The following DNASE1L2 variants were observed in gnomAD, a reference collection of about 807,000 sequenced individuals.
DNASE1L2 encodes the protein deoxyribonuclease 1 like 2.
A neutral mutation model predicts 31.8 loss-of-function variants in DNASE1L2; 35 were observed. The observed-to-expected ratio is 1.10, with a 90% CI of 0.84 to 1.46. The LOEUF (loss-of-function observed/expected upper bound fraction) is 1.46, where lower values mean the gene tolerates loss of function less well. DNASE1L2 is among the 40% of genes most tolerant of loss of function. The pLI is 0.00. For missense variants in DNASE1L2, 504 were observed against 418.8 expected, an observed-to-expected ratio of 1.20 and a Z score of -1.77; for synonymous variants, 211 against 186.5, an observed-to-expected ratio of 1.13 and a Z score of -1.07.
In DNASE1L2 at chr16:2,236,839, T is replaced by G; in HGVS notation, c.23T>G (p.Leu8Arg). The G allele has an allele frequency of 6.3e-7, 1 of 1,599,176 alleles. No homozygotes were observed. The highest frequency in any genetic ancestry group is 8.5e-7 in the Non-Finnish European group (1 of 1,174,892). The change falls in exon 2 of 7, where the codon CTG becomes CGG. Residue 8 changes from leucine to arginine, a missense_variant. Physicochemically the swap from Leu to Arg is moderately radical, Grantham distance 102 (BLOSUM62 -2). Coordinates refer to ENST00000320700, the MANE Select transcript of DNASE1L2 (RefSeq NM_001374.3). ...GCCATGGGCGGGCCCCGGGCTCTGC[T>G]GGCCGCACTCTGGGCGCTGGAAGCC... The part of the protein sequence containing the change: MGGPRAL[L>R]AALWALEAAG...
chr16:2,238,678 T>C lies in DNASE1L2; in HGVS notation c.*260T>C, dbSNP rs539484003. The C allele has an allele frequency of 5.7e-5, 31 of 543,874 alleles. No homozygotes were observed. In the South Asian group the frequency reaches 6.8e-4, roughly 12 times the overall value. The allele number at this position is 543,874 out of a possible 1,614,324, so 33.7% of individuals were successfully genotyped here. On this transcript the variant is annotated 3_prime_UTR_variant, in exon 7 of 7. Transcript: ENST00000320700. ...GGGGCACTGCCCGGCAGATGTCTGC[T>C]CAATAAATGAGCTGCTCCCGGTCGG... is the stretch of plus-strand genomic sequence containing the variant.
At position 2,238,376 on chromosome 16, in the gene DNASE1L2, C is replaced by T. The variant is rs536933942; in HGVS notation, c.858C>T (p.Ser286=). The T allele has an allele frequency of 2.4e-5, 39 of 1,613,516 alleles. No homozygotes were observed. The East Asian group carries it at 3.3e-4, about 14-fold the overall frequency. Reference sequence around the variant, plus strand: ...TGTCCCCACAGGCTCTTGCCATCAGCGACCACTTTCCAGTGGAGGTGACCC... The same window carrying T: ...TGTCCCCACAGGCTCTTGCCATCAGTGACCACTTTCCAGTGGAGGTGACCC... ...GLDQTQALAI[S]DHFPVEVTLK... is the part of the protein sequence containing the mutation. The change falls in exon 7 of 7, where the codon AGC becomes AGT. Residue 286 remains serine (S), a synonymous_variant. Transcript: ENST00000320700.
rs764602503 is a variant in DNASE1L2 at position 2,237,986 on chromosome 16, T to G, written c.811T>G (p.Phe271Val). 1 of 1,606,112 alleles carries G rather than the reference T, an allele frequency of 6.2e-7. No individual in the cohort carries two copies. The highest frequency in any genetic ancestry group is 8.5e-7 in the Non-Finnish European group (1 of 1,177,568). The change falls in exon 6 of 7, where the codon TTC (phenylalanine) becomes GTC (valine). Residue 271 changes from phenylalanine to valine, a missense_variant. Physicochemically the swap from Phe to Val is conservative, Grantham distance 50. Coordinates refer to ENST00000320700, the MANE Select transcript of DNASE1L2 (RefSeq NM_001374.3). ...GCCCCAGTCGGCCACCGTGCACGAC[T>G]TCCAGGAGGAATTCGGCCTGGACCA... The part of the protein sequence containing the change: ...LKPQSATVHD[F>V]QEEFGLDQTQ...
At chr16:2,238,309 C>T (rs531361024) in intron 6 of DNASE1L2, 53 bp from the exon 7 acceptor site, 19 of 1,610,070 alleles carry the variant, frequency 1.2e-5, no homozygotes, top group African/African-American at 1.1e-4. Context: ...CGGCCCCTCC[C>T]ATCCCTGTGG....
chr16:2,237,535 A>G lies in DNASE1L2; in HGVS notation c.477A>G (p.Ala159=), dbSNP rs1437075228. The G allele has an allele frequency of 2.4e-6, 3 of 1,273,280 alleles. No homozygotes were observed. The highest frequency in any genetic ancestry group is 1.9e-5 in the African/African-American group (1 of 53,936). The allele number at this position is 1,273,280 out of a possible 1,614,324, so 78.9% of individuals were successfully genotyped here. A position where few individuals can be genotyped will look rare whatever the true frequency, so the allele number is the denominator to read the frequency against. The change falls in exon 5 of 7, where the codon GCA becomes GCG. Residue 159 remains alanine, a synonymous_variant. Coordinates refer to ENST00000320700, the MANE Select transcript of DNASE1L2 (RefSeq NM_001374.3). Reference sequence around the variant, plus strand: ...CTCTGACGCCCCCACCCCTTCCCGCAGCAGCACAGAACCTGGTGCTGATCC... The same window carrying G: ...CTCTGACGCCCCCACCCCTTCCCGCGGCAGCACAGAACCTGGTGCTGATCC... ...RRALTPPPLP[A]AAQNLVLIPL...
chr16:2,236,565 GTCTC>G lies in DNASE1L2; in HGVS notation c.-40+8_-40+11del, dbSNP rs146397527. The G allele has an allele frequency of 9.4e-5, 121 of 1,281,156 alleles. No homozygotes were observed. The African/African-American group carries it at 1.7e-3, about 18-fold the overall frequency. The allele number at this position is 1,281,156 out of a possible 1,614,324, so 79.4% of individuals were successfully genotyped here. ...GCCTCTGCACCCACATCCAAGGTGA[GTCTC>G]TCGGCTGCCCTGAGCTGGGGCTGGA... On this transcript the variant is annotated splice_donor_region_variant and intron_variant, in intron 1 of 6. Coordinates refer to ENST00000320700, the MANE Select transcript of DNASE1L2 (RefSeq NM_001374.3).
chr16:2,236,614 C>G, intron 1 of DNASE1L2, 54 bp downstream of exon 1: 1 of 1,351,916 alleles, frequency 7.4e-7, no homozygotes, highest in South Asian at 2.0e-5. Flanking sequence ...CCCTCCATTC[C>G]GGCTGCAGCT....
rs2093515875 is a variant in DNASE1L2 at position 2,237,544 on chromosome 16, G to A, written c.486G>A (p.Gln162=). The part of the protein sequence containing the change: ...LTPPPLPAAA[Q]NLVLIPLHAA... ...CCCCACCCCTTCCCGCAGCAGCACA[G>A]AACCTGGTGCTGATCCCGCTGCACG... The change falls in exon 5 of 7, where the codon CAG becomes CAA. Residue 162 remains glutamine, a synonymous_variant. Transcript: ENST00000320700. The A allele has an allele frequency of 7.2e-7, 1 of 1,385,024 alleles. No individual in the cohort carries two copies. Among genetic ancestry groups the A allele is most frequent in the African/African-American group, 1.6e-5 (1 of 64,402 alleles). The allele number at this position is 1,385,024 out of a possible 1,614,324, so 85.8% of individuals were successfully genotyped here. A position where few individuals can be genotyped will look rare whatever the true frequency, so the allele number is the denominator to read the frequency against.
chr16:2,237,401 A>C lies in DNASE1L2; in HGVS notation c.343A>C (p.Thr115Pro). 1 of 1,599,896 alleles carries C rather than the reference A, an allele frequency of 6.3e-7. No homozygotes were observed. The highest frequency in any genetic ancestry group is 1.1e-5 in the South Asian group (1 of 89,668). The stretch of plus-strand genomic sequence containing the variant: ...GAAAGACGCGGTGTCGGTCGTGGAC[A>C]CCTACCTGTACCCAGACCCCGAGGA... Reference protein sequence around the residue: ...YRKDAVSVVDTYLYPDPEDVF... With the variant: ...YRKDAVSVVDPYLYPDPEDVF... Residue 115 changes from threonine to proline, a missense_variant, in exon 5 of 7, where the codon ACC becomes CCC. Physicochemically the swap from Thr to Pro is conservative, Grantham distance 38. Transcript: ENST00000320700.
Position 2,237,199 on chromosome 16 carries a change from CG to C in DNASE1L2, c.234-16del. ...CCCGGCGCGGCGCCCCGACCCTGAG[CG>C]GGCCCCTGTCTCCGCAGCGTGTCCG... is the stretch of plus-strand genomic sequence containing the variant. On this transcript the variant is annotated intron_variant, in intron 3 of 6. Transcript: ENST00000320700. The C allele has an allele frequency of 6.4e-7, 1 of 1,558,214 alleles. No homozygotes were observed. Among genetic ancestry groups the C allele is most frequent in the Non-Finnish European group, 8.7e-7 (1 of 1,151,918 alleles).
chr16:2,237,969 C>T lies in DNASE1L2; in HGVS notation c.794C>T (p.Ser265Leu). The T allele has an allele frequency of 6.2e-7, 1 of 1,608,820 alleles. No individual in the cohort carries two copies. The change falls in exon 6 of 7, where the codon TCG (serine) becomes TTG (leucine). Residue 265 changes from serine to leucine, a missense_variant. Transcript: ENST00000320700. ...CTGCGCCGGAGCCTGAAGCCCCAGT[C>T]GGCCACCGTGCACGACTTCCAGGAG... ...ARLRRSLKPQ[S>L]ATVHDFQEEF...
chr16:2,237,347 G>T, intron 4 of DNASE1L2, 29 bp from the exon 5 acceptor site: 1 of 1,596,852 alleles, frequency 6.3e-7, no homozygotes, highest in Non-Finnish European at 8.5e-7. Flanking sequence ...CGCAGGTCGG[G>T]GGCTCAGCGG....
chr16:2,237,236 C>T lies in DNASE1L2; in HGVS notation c.252C>T (p.Tyr84=), dbSNP rs2093514315. Residue 84 remains tyrosine (Y), a synonymous_variant, in exon 4 of 7, where the codon TAC becomes TAT. Coordinates refer to ENST00000320700, the MANE Select transcript of DNASE1L2 (RefSeq NM_001374.3). ...TCCGCAGCGTGTCCGAGCACGAGTA[C>T]AGCTTTGTGAGCAGCCAGCCCCTGG... ...EQINSVSEHE[Y]SFVSSQPLGR... The T allele has an allele frequency of 1.3e-6, 2 of 1,581,518 alleles. No individual in the cohort carries two copies. The highest frequency in any genetic ancestry group is 1.8e-5 in the Admixed American group (1 of 54,532).
At position 2,238,363 on chromosome 16, in the gene DNASE1L2, C is replaced by T. The variant is rs562373958; in HGVS notation, c.845C>T (p.Ala282Val). ...CTGAGGCTCACTCTGTCCCCACAGG[C>T]TCTTGCCATCAGCGACCACTTTCCA... ...QEEFGLDQTQ[A>V]LAISDHFPVE... The change falls in exon 7 of 7, where the codon GCT becomes GTT. Residue 282 changes from alanine (A) to valine (V), a missense_variant and splice_region_variant. Ala to Val is a moderately conservative substitution (Grantham distance 64). Transcript: ENST00000320700. 1 of 1,613,436 alleles carries T rather than the reference C, an allele frequency of 6.2e-7. No individual in the cohort carries two copies. Among genetic ancestry groups the T allele is most frequent in the Non-Finnish European group, 8.5e-7 (1 of 1,179,998 alleles).
chr16:2,237,485 G>GCCCCCC lies in DNASE1L2; in HGVS notation c.431_432insCCCCCC (p.Pro144_Pro145dup). 1 of 1,567,662 alleles carries GCCCCCC rather than the reference G, an allele frequency of 6.4e-7. No individual in the cohort carries two copies. The highest frequency in any genetic ancestry group is 8.6e-7 in the Non-Finnish European group (1 of 1,157,968). ...CTCGGCCCCCGGCACCGGTGAGCGGGCCCCGCCCCTCCCCTCCCGCCGAGC... is the reference window on the plus strand; with the variant it reads ...CTCGGCCCCCGGCACCGGTGAGCGGGCCCCCCCCCCGCCCCTCCCCTCCCGCCGAGC... On this transcript the variant is annotated inframe_insertion, in exon 5 of 7. Coordinates refer to ENST00000320700, the MANE Select transcript of DNASE1L2 (RefSeq NM_001374.3).
In DNASE1L2 at chr16:2,238,681, A is replaced by G. The variant is rs2093520275; in HGVS notation, c.*263A>G. On this transcript the variant is annotated 3_prime_UTR_variant, in exon 7 of 7. Coordinates refer to ENST00000320700, the MANE Select transcript of DNASE1L2 (RefSeq NM_001374.3). Reference sequence around the variant, plus strand: ...GCACTGCCCGGCAGATGTCTGCTCAATAAATGAGCTGCTCCCGGTCGGGCC... The same window carrying G: ...GCACTGCCCGGCAGATGTCTGCTCAGTAAATGAGCTGCTCCCGGTCGGGCC... 1.3e-5 allele frequency: 7 copies of G among 533,052 alleles called. No homozygotes were observed. Among genetic ancestry groups the G allele is most frequent in the South Asian group, 2.2e-5 (1 of 44,920 alleles). The allele number at this position is 533,052 out of a possible 1,614,324, so 33.0% of individuals were successfully genotyped here. A position where few individuals can be genotyped will look rare whatever the true frequency, so the allele number is the denominator to read the frequency against.
chr16:2,238,288 C>A (rs1289290099), intron 6 of DNASE1L2, 74 bp from the exon 7 acceptor site: 3 of 1,590,988 alleles, frequency 1.9e-6, no homozygotes, highest in Admixed American at 3.3e-5. Context: ...GGGTGGGCAC[C>A]CAGGCCTCAC....
At position 2,237,908 on chromosome 16, in the gene DNASE1L2, T is replaced by A; in HGVS notation, c.733T>A (p.Cys245Ser). ...CGACACCACGGTGGGCAACTCAGAC[T>A]GCGCCTACGACCGCATTGTGGCCTG... ...SADTTVGNSD[C>S]AYDRIVACGA... Residue 245 changes from cysteine (C) to serine (S), a missense_variant, in exon 6 of 7, where the codon TGC becomes AGC. Physicochemically the swap from Cys to Ser is moderately radical, Grantham distance 112. Transcript: ENST00000320700. 1 of 1,612,358 alleles carries A rather than the reference T, an allele frequency of 6.2e-7. No homozygotes were observed. Among genetic ancestry groups the A allele is most frequent in the Non-Finnish European group, 8.5e-7 (1 of 1,179,796 alleles).
At position 2,238,519 on chromosome 16, in the gene DNASE1L2, AAG is replaced by A; in HGVS notation, c.*102_*103del. 7.0e-7 allele frequency: 1 copy of A among 1,432,094 alleles called. No individual in the cohort carries two copies. Among genetic ancestry groups the A allele is most frequent in the Non-Finnish European group, 9.8e-7 (1 of 1,021,756 alleles). The allele number at this position is 1,432,094 out of a possible 1,614,324, so 88.7% of individuals were successfully genotyped here. ...GGCAGCCACCCTTCAGTGAGGCCCC[AAG>A]GCAGAGTCGGCTGGGCGTGGACCAG... On this transcript the variant is annotated 3_prime_UTR_variant, in exon 7 of 7. Coordinates refer to ENST00000320700, the MANE Select transcript of DNASE1L2 (RefSeq NM_001374.3).
Sources: allele counts gnomAD v4.1 joint callset, GRCh38; gene constraint gnomAD v4.1.1; transcripts MANE v1.5; gene names NCBI Gene and HGNC (gene_info 2026-07-23, HGNC 2026-07-21).